The following CSMD1 variants were observed in gnomAD, a reference collection of about 807,000 sequenced individuals.
CSMD1 encodes the protein CUB and sushi domain-containing protein 1.
In CSMD1, 213 loss-of-function variants were observed where a neutral mutation model predicts 417.5. The observed-to-expected ratio is 0.51, with a 90% CI of 0.46 to 0.57. The LOEUF (loss-of-function observed/expected upper bound fraction) is 0.57. Ranked by LOEUF, CSMD1 falls within the 20% of genes least tolerant of loss-of-function variation. The probability of loss-of-function intolerance (pLI) is 0.00; values close to 1 mark genes in which losing one functional copy is unlikely to be tolerated. For missense variants in CSMD1, 6,923 were observed against 4,529.7 expected, an observed-to-expected ratio of 1.53 and a Z score of -15.17; for synonymous variants, 2,862 against 1,736.8, an observed-to-expected ratio of 1.65 and a Z score of -16.11.
intron 8 of CSMD1, among the ~76,000 whole-genome samples, chr8:3,611,014 T>C (rs546767600): frequency 5.2e-4 from 71 of 137,514 alleles, no homozygotes; most frequent in African/African-American, 1.7e-3. Flanking sequence ...TTCTCACTCA[T>C]AGGTGGGAAC....
chr8:3,211,525 G>T (rs928810377), intron 30 of CSMD1, among the ~76,000 whole-genome samples: 1 of 152,184 alleles, frequency 6.6e-6, no homozygotes, highest in Non-Finnish European at 1.5e-5. Context: ...CATCAAAATG[G>T]TTTTGGAAAC....
chr8:4,275,729 A>G (rs766285976), intron 3 of CSMD1, among the ~76,000 whole-genome samples: 12 of 152,210 alleles, frequency 7.9e-5, no homozygotes, highest in Non-Finnish European at 1.2e-4. Context: ...CACAATGAGT[A>G]TAACTTTACA....
chr8:4,748,366 T>A lies in CSMD1; in HGVS notation c.86-110808A>T, dbSNP rs529759457. On this transcript the variant is annotated intron_variant, in intron 1 of 69. Coordinates refer to ENST00000635120, the MANE Select transcript of CSMD1 (RefSeq NM_033225.6). ...TGGAAATTTGTTTTCTTAGCATGGT[T>A]TTCTGCTCCTTTGAATACTTTTTAA... is the stretch of plus-strand genomic sequence containing the variant. Among the ~76,000 whole-genome samples, 239 of 152,348 alleles carry A rather than the reference T, an allele frequency of 1.6e-3. 1 individual carries two copies. Among genetic ancestry groups the A allele is most frequent in the African/African-American group, 5.6e-3 (231 of 41,584 alleles).
chr8:4,037,440 T>C (rs576671315), intron 3 of CSMD1, among the ~76,000 whole-genome samples: 2 of 152,180 alleles, frequency 1.3e-5, no homozygotes, highest in East Asian at 3.9e-4. Context: ...TTCTGGGGCA[T>C]CTTAGACCAT....
At chr8:4,362,484 G>C (rs1200741682) in intron 3 of CSMD1, among the ~76,000 whole-genome samples, 1 of 152,194 alleles carries the variant, frequency 6.6e-6, no homozygotes, top group Non-Finnish European at 1.5e-5. Flanking sequence ...GCTTTCTTCA[G>C]AGAACTCTTC....
rs1023878221 is a variant in CSMD1 at position 3,414,950 on chromosome 8, A to G, written c.1562-5345T>C. 2.6e-5 allele frequency among the ~76,000 whole-genome samples: 4 copies of G among 152,124 alleles called. No individual in the cohort carries two copies. In the East Asian group the frequency reaches 7.7e-4, roughly 29 times the overall value. On this transcript the variant is annotated intron_variant, in intron 12 of 69. Coordinates refer to ENST00000635120, the MANE Select transcript of CSMD1 (RefSeq NM_033225.6). ...TCTGCGGCAAGACCTGTCACTCTGCATTATATGTACTTTTTGTGCTTTACT... is the reference window on the plus strand; with the variant it reads ...TCTGCGGCAAGACCTGTCACTCTGCGTTATATGTACTTTTTGTGCTTTACT...
chr8:3,460,104 C>T (rs2117147689), intron 12 of CSMD1, among the ~76,000 whole-genome samples: 1 of 152,178 alleles, frequency 6.6e-6, no homozygotes, highest in East Asian at 1.9e-4. Flanking sequence ...GGCAATTAAA[C>T]AATTGTTGGG....
At chr8:3,406,579 T>C (rs1213162175) in intron 14 of CSMD1, among the ~76,000 whole-genome samples, 3 of 152,158 alleles carry the variant, frequency 2.0e-5, no homozygotes, top group South Asian at 2.1e-4. Flanking sequence ...TCTTACTATG[T>C]CAGAGGACTC....
chr8:3,114,288 C>A (rs1585385918), intron 42 of CSMD1, among the ~76,000 whole-genome samples: 2 of 151,814 alleles, frequency 1.3e-5, no homozygotes, highest in East Asian at 3.9e-4. Flanking sequence ...AATTTTAAAA[C>A]CTTGAACGTT....
intron 43 of CSMD1, 124 bp from the exon 44 acceptor site, chr8:3,108,872 C>T: frequency 4.3e-6 from 4 of 937,370 alleles, no homozygotes; most frequent in South Asian, 1.8e-5. Flanking sequence ...TCTCAGGATA[C>T]TGTGTTTGTA....
chr8:3,243,105 A>G (rs895060411), intron 26 of CSMD1, among the ~76,000 whole-genome samples: 1 of 152,158 alleles, frequency 6.6e-6, no homozygotes, highest in Non-Finnish European at 1.5e-5. Context: ...GGTGGCGACA[A>G]GATTGAAAGG....
intron 3 of CSMD1, among the ~76,000 whole-genome samples, chr8:4,189,433 CAGT>C (rs1355495264): frequency 3.9e-5 from 6 of 152,026 alleles, no homozygotes; most frequent in Admixed American, 3.9e-4. Context: ...AAGAAAAAAA[CAGT>C]AGTCCAGCAA....
chr8:3,117,087 T>C (rs1816917961), intron 42 of CSMD1, among the ~76,000 whole-genome samples: 1 of 152,106 alleles, frequency 6.6e-6, no homozygotes, highest in Non-Finnish European at 1.5e-5. Flanking sequence ...TTTATTTATT[T>C]TGAGACAGAG....
chr8:4,166,670 G>A (rs939578315), intron 3 of CSMD1, among the ~76,000 whole-genome samples: 2 of 152,100 alleles, frequency 1.3e-5, no homozygotes, highest in Non-Finnish European at 2.9e-5. Flanking sequence ...CTGCTGGGGT[G>A]ATGGGTGCAC....
At chr8:4,052,264 G>T (rs1451710877) in intron 3 of CSMD1, among the ~76,000 whole-genome samples, 1 of 152,126 alleles carries the variant, frequency 6.6e-6, no homozygotes, top group African/African-American at 2.4e-5. Flanking sequence ...GTCCAGACAG[G>T]GCACAGCCTG....
At chr8:3,099,773 T>C (rs955547252) in intron 46 of CSMD1, among the ~76,000 whole-genome samples, 5 of 152,166 alleles carry the variant, frequency 3.3e-5, no homozygotes, top group Non-Finnish European at 5.9e-5. Flanking sequence ...ATATTTGAAA[T>C]GCTGATTTTG....
At chr8:4,710,464 T>TTATATATATA (rs10660998) in intron 1 of CSMD1, among the ~76,000 whole-genome samples, 118 of 144,826 alleles carry the variant, frequency 8.1e-4, no homozygotes, top group South Asian at 2.4e-3. Flanking sequence ...TAATGGAATA[T>TTATATATATA]TATATATATA....
chr8:3,419,620 C>A (rs1462439845), intron 12 of CSMD1, among the ~76,000 whole-genome samples: 1 of 151,950 alleles, frequency 6.6e-6, no homozygotes. Context: ...GATTCGTAAC[C>A]CCTTTTATCA....
At chr8:3,594,534 T>G (rs17066501) in intron 8 of CSMD1, among the ~76,000 whole-genome samples, 17,336 of 152,138 alleles carry the variant, frequency 0.11, 1,185 homozygotes, top group African/African-American at 0.18. Flanking sequence ...TCCAGGAATG[T>G]TTTTCAAAGG....
Sources: gnomAD v4.1 joint callset for allele counts (sites outside exome capture counted in the v4.1 genomes callset) on GRCh38, gnomAD v4.1.1 for gene constraint, MANE v1.5 for transcripts, NCBI Gene and HGNC (gene_info 2026-07-23, HGNC 2026-07-21) for gene names.